TMEM132D: variants seen among roughly 807,000 people sequenced by gnomAD.
TMEM132D encodes the protein mature OL transmembrane protein.
In TMEM132D, 21 loss-of-function variants were observed where a neutral mutation model predicts 62.3. The ratio of observed to expected loss-of-function variants is 0.34; its 90% CI spans 0.24 to 0.49. The LOEUF is 0.49. Among genes scored for constraint, TMEM132D ranks in the 20% least tolerant of loss-of-function variants. The probability of loss-of-function intolerance (pLI) is 0.99; values close to 1 mark genes in which losing one functional copy is unlikely to be tolerated. For missense variants in TMEM132D, 1,346 were observed against 1,402.8 expected (o/e 0.96, Z 0.65); for synonymous variants, 621 against 575.6 (o/e 1.08, Z -1.13).
intron 1 of TMEM132D, among the ~76,000 whole-genome samples, chr12:129,716,583 G>A (rs10744430): frequency 0.63 from 96,320 of 152,052 alleles, 30,646 homozygotes; most frequent in South Asian, 0.73. Flanking sequence ...GGTAGAATAA[G>A]GGTCCCTCAA....
chr12:129,098,178 G>C lies in TMEM132D; in HGVS notation c.1444-13476C>G, dbSNP rs146833512. Among the ~76,000 whole-genome samples, 584 of 152,304 alleles carry C rather than the reference G, an allele frequency of 3.8e-3. 5 individuals are homozygous for C. The highest frequency in any genetic ancestry group is 0.013 in the African/African-American group (560 of 41,558). On this transcript the variant is annotated intron_variant, in intron 5 of 8. Transcript: ENST00000422113. ...AAAACCGTAATAGCCAAGACAATGT[G>C]GCATTGCTGAAGGAATAGGTAAATT...
intron 1 of TMEM132D, among the ~76,000 whole-genome samples, chr12:129,703,903 CTAAT>C (rs1362403909): frequency 7.1e-6 from 1 of 140,494 alleles, no homozygotes; most frequent in African/African-American, 2.6e-5. Flanking sequence ...AAAGCAATAA[CTAAT>C]CGAATACGGT....
At chr12:129,189,968 G>T (rs1359438073) in intron 5 of TMEM132D, among the ~76,000 whole-genome samples, 2 of 151,882 alleles carry the variant, frequency 1.3e-5, no homozygotes, top group Non-Finnish European at 2.9e-5. Flanking sequence ...GTGGAAGAGG[G>T]AGGCAGAAAA....
intron 3 of TMEM132D, among the ~76,000 whole-genome samples, chr12:129,429,722 T>C (rs1438099598): frequency 1.3e-5 from 2 of 148,206 alleles, no homozygotes; most frequent in African/African-American, 2.5e-5. Flanking sequence ...CTCCTAATGC[T>C]ATCCCTCCCC....
At chr12:129,589,520 C>A (rs1045026311) in intron 2 of TMEM132D, among the ~76,000 whole-genome samples, 7 of 152,202 alleles carry the variant, frequency 4.6e-5, no homozygotes, top group African/African-American at 1.7e-4. Context: ...AATAAGTATT[C>A]ACTTCCAGCT....
At chr12:129,641,406 T>C (rs1879636681) in intron 2 of TMEM132D, among the ~76,000 whole-genome samples, 1 of 152,146 alleles carries the variant, frequency 6.6e-6, no homozygotes, top group African/African-American at 2.4e-5. Context: ...CTCCAACACC[T>C]AGAAGAATGC....
intron 5 of TMEM132D, among the ~76,000 whole-genome samples, chr12:129,140,722 T>A (rs1202261205): frequency 6.6e-6 from 1 of 151,782 alleles, no homozygotes; most frequent in Non-Finnish European, 1.5e-5. Flanking sequence ...GCTTGTAATC[T>A]CGGCTACTAG....
At chr12:129,679,222 C>A (rs939356431) in intron 2 of TMEM132D, among the ~76,000 whole-genome samples, 3 of 151,802 alleles carry the variant, frequency 2.0e-5, no homozygotes, top group African/African-American at 7.3e-5. Context: ...CATTTCTATC[C>A]CTGAACATGG....
chr12:129,772,831 G>A (rs1277491423), intron 1 of TMEM132D, among the ~76,000 whole-genome samples: 1 of 152,246 alleles, frequency 6.6e-6, no homozygotes, highest in Admixed American at 6.5e-5. Flanking sequence ...TGTGAGGGCG[G>A]AAGCTGCATT....
At chr12:129,780,306 C>T (rs962237440) in intron 1 of TMEM132D, among the ~76,000 whole-genome samples, 4 of 140,444 alleles carry the variant, frequency 2.8e-5, no homozygotes, top group Non-Finnish European at 6.2e-5. Flanking sequence ...ACACTCAGGG[C>T]TTTGGCTTAG....
intron 1 of TMEM132D, among the ~76,000 whole-genome samples, chr12:129,831,142 T>C (rs1323894216): frequency 6.6e-6 from 1 of 152,122 alleles, no homozygotes; most frequent in Non-Finnish European, 1.5e-5. Flanking sequence ...CTGGGTCACA[T>C]ACCCTCCTCT....
chr12:129,819,238 C>G (rs1290437013), intron 1 of TMEM132D, among the ~76,000 whole-genome samples: 1 of 151,898 alleles, frequency 6.6e-6, no homozygotes, highest in African/African-American at 2.4e-5. Flanking sequence ...CCCCACAGTG[C>G]CAAGCACTGC....
intron 4 of TMEM132D, among the ~76,000 whole-genome samples, chr12:129,269,052 G>C (rs1880778039): frequency 6.6e-6 from 1 of 151,200 alleles, no homozygotes; most frequent in Non-Finnish European, 1.5e-5. Context: ...ATAGCATTAG[G>C]AGATATACCT....
intron 1 of TMEM132D, among the ~76,000 whole-genome samples, chr12:129,746,864 G>A (rs996875584): frequency 2.0e-5 from 3 of 152,036 alleles, no homozygotes; most frequent in Non-Finnish European, 2.9e-5. Context: ...CTTGCTCAGC[G>A]ACGGTCATTC....
intron 2 of TMEM132D, among the ~76,000 whole-genome samples, chr12:129,549,086 A>C (rs2137104152): frequency 6.6e-6 from 1 of 151,932 alleles, no homozygotes; most frequent in East Asian, 1.9e-4. Context: ...TCTCATCTTG[A>C]ATTGTAGCTC....
chr12:129,436,509 C>T (rs1157872692), intron 3 of TMEM132D, among the ~76,000 whole-genome samples: 1 of 152,146 alleles, frequency 6.6e-6, no homozygotes, highest in Non-Finnish European at 1.5e-5. Flanking sequence ...CACTGATATG[C>T]AAGACTTTTA....
intron 1 of TMEM132D, among the ~76,000 whole-genome samples, chr12:129,725,285 T>C (rs1308986709): frequency 6.6e-6 from 1 of 152,238 alleles, no homozygotes; most frequent in Non-Finnish European, 1.5e-5. Flanking sequence ...GAGTCCATCA[T>C]TCACTATGTA....
chr12:129,598,304 T>C lies in TMEM132D; in HGVS notation c.969-67099A>G, dbSNP rs372909752. ...CTCAAGGGACTTTCTTTAAGAGGGC[T>C]GTAAAGACAGGCAGGCTCCAGGTCA... is the stretch of plus-strand genomic sequence containing the variant. On this transcript the variant is annotated intron_variant, in intron 2 of 8. Coordinates refer to ENST00000422113, the MANE Select transcript of TMEM132D (RefSeq NM_133448.3). Among the ~76,000 whole-genome samples the C allele has an allele frequency of 8.5e-5, 13 of 152,350 alleles. No individual in the cohort carries two copies. In the East Asian group the frequency reaches 2.5e-3, roughly 29 times the overall value.
chr12:129,095,349 T>TTTG (rs1875076003), intron 5 of TMEM132D, among the ~76,000 whole-genome samples: 1 of 140,928 alleles, frequency 7.1e-6, no homozygotes, highest in Non-Finnish European at 1.5e-5. Context: ...CCTGCTGGTT[T>TTTG]TTTTTTTTTT....
Sources: gnomAD v4.1 joint callset for allele counts (sites outside exome capture counted in the v4.1 genomes callset) on GRCh38, gnomAD v4.1.1 for gene constraint, MANE v1.5 for transcripts, NCBI Gene and HGNC (gene_info 2026-07-23, HGNC 2026-07-21) for gene names.